ACACA: variants seen among roughly 807,000 people sequenced by gnomAD.
The protein encoded by ACACA is acetyl-CoA carboxylase 1.
In ACACA, 103 loss-of-function variants were observed where a neutral mutation model predicts 296.1. The observed-to-expected ratio is 0.35, with a 90% CI of 0.30 to 0.41. ACACA has a LOEUF of 0.41. ACACA is among the 10% of genes least tolerant of loss of function. ACACA has a pLI of 1.00. For synonymous variants in ACACA, 953 were observed against 1,038.6 expected (o/e 0.92, Z 1.58); for missense variants, 1,554 against 2,989.7 (o/e 0.52, Z 11.20).
chr17:37,278,135 T>C, intron 5 of ACACA, 130 bp from the exon 6 acceptor site: 1 of 734,276 alleles, frequency 1.4e-6, no homozygotes, highest in South Asian at 1.5e-5. Context: ...AGTAGGATAA[T>C]TTCCAGGACC....
intron 45 of ACACA, among the ~76,000 whole-genome samples, chr17:37,131,625 T>C (rs2075102789): frequency 6.6e-6 from 1 of 152,174 alleles, no homozygotes. Context: ...TTTTGCCCCT[T>C]CTTGTTAGGA....
intron 27 of ACACA, among the ~76,000 whole-genome samples, chr17:37,224,655 A>G (rs976992809): frequency 5.9e-4 from 88 of 148,636 alleles, no homozygotes; most frequent in East Asian, 1.9e-3. Flanking sequence ...GTGTGTGTGT[A>G]TATATATATA....
rs1429729354 is a variant in ACACA, at chr17:37,226,427, G to A, written c.3272C>T (p.Thr1091Ile). 1 of 1,614,014 alleles carries A rather than the reference G, an allele frequency of 6.2e-7. No homozygotes were observed. The highest frequency in any genetic ancestry group is 1.3e-5 in the African/African-American group (1 of 74,930). The change falls in exon 26 of 56, where the codon ACT becomes ATT. Residue 1091 changes from threonine (T) to isoleucine (I), a missense_variant. Transcript: ENST00000616317. The part of the protein sequence containing the change: ...LIDQLCGRDP[T>I]LTDELLNILT... ...AATATTCAGCAGCTCATCAGTGAGA[G>A]TAGGGTCCCGGCCACACAACTGATC...
chr17:37,099,591 GGAGGGCTGATGGCGGGAGGGCTGATGGCA>G (rs2073228081), intron 52 of ACACA, among the ~76,000 whole-genome samples: 1 of 149,646 alleles, frequency 6.7e-6, no homozygotes, highest in Non-Finnish European at 1.5e-5. Flanking sequence ...GCTGATGGCA[GGAGGGCTGATGGCGGGAGGGCTGATGGCA>G]GGAGGGCTGA....
chr17:37,298,478 T>C (rs142660134), intron 3 of ACACA, among the ~76,000 whole-genome samples: 15 of 152,118 alleles, frequency 9.9e-5, no homozygotes, highest in African/African-American at 3.4e-4. Context: ...GTATAGGAGT[T>C]TGAGACTAGC....
intron 28 of ACACA, among the ~76,000 whole-genome samples, chr17:37,223,206 G>A (rs1400275905): frequency 6.6e-6 from 1 of 152,092 alleles, no homozygotes; most frequent in African/African-American, 2.4e-5. Flanking sequence ...TTCGCTTTTT[G>A]TGTTACAAGG....
chr17:37,249,405 T>C (rs2080873182), intron 16 of ACACA, among the ~76,000 whole-genome samples: 1 of 152,218 alleles, frequency 6.6e-6, no homozygotes, highest in Non-Finnish European at 1.5e-5. Flanking sequence ...GGTAATTCTA[T>C]TTTTAATTTT....
chr17:37,359,678 G>A (rs939444201), intron 1 of ACACA, among the ~76,000 whole-genome samples: 1 of 152,116 alleles, frequency 6.6e-6, no homozygotes, highest in African/African-American at 2.4e-5. Context: ...GGCGGTGTGC[G>A]GGCCCGTTTG....
chr17:37,379,470 C>T, intron 1 of ACACA: 2 of 1,447,136 alleles, frequency 1.4e-6, no homozygotes, highest in Non-Finnish European at 1.9e-6. Flanking sequence ...GGAAAAGCTA[C>T]AAGAAAATGA....
In ACACA at chr17:37,174,014, A is replaced by AT. The variant is rs1184132097; in HGVS notation, c.5079+5245dup. Among the ~76,000 whole-genome samples, 11 of 14,006 alleles carry AT rather than the reference A, an allele frequency of 7.9e-4. 1 individual carries two copies. Among genetic ancestry groups the AT allele is most frequent in the Admixed American group, 6.0e-3 (4 of 666 alleles). The allele number at this position is 14,006 out of a possible 152,430, so 9.2% of individuals were successfully genotyped here. A position where few individuals can be genotyped will look rare whatever the true frequency, so the allele number is the denominator to read the frequency against. ...TATATATATATATATATATATATAT[A>AT]TATATATTTTTTTTTTTTTTTTTTT... On this transcript the variant is annotated intron_variant, in intron 41 of 55. Transcript: ENST00000616317.
At chr17:37,094,754 A>G (rs1484242985) in intron 54 of ACACA, among the ~76,000 whole-genome samples, 2 of 152,216 alleles carry the variant, frequency 1.3e-5, no homozygotes, top group African/African-American at 2.4e-5. Flanking sequence ...TCAAAGCCAC[A>G]TGCCCTGACA....
chr17:37,244,805 A>G (rs1227282180), intron 20 of ACACA, 71 bp from the exon 21 acceptor site: 2 of 1,592,880 alleles, frequency 1.3e-6, no homozygotes, highest in East Asian at 4.5e-5. Context: ...CACTGCACTT[A>G]AGAGTTATCA....
chr17:37,117,032 C>T (rs1300672621), intron 50 of ACACA, among the ~76,000 whole-genome samples: 2 of 152,196 alleles, frequency 1.3e-5, no homozygotes, highest in African/African-American at 4.8e-5. Context: ...ATGGTGACCA[C>T]ACACAACCTT....
At chr17:37,309,086 C>G (rs2084012751) in intron 3 of ACACA, among the ~76,000 whole-genome samples, 1 of 152,124 alleles carries the variant, frequency 6.6e-6, no homozygotes, top group African/African-American at 2.4e-5. Flanking sequence ...GTAGCATGAT[C>G]ATAGTTCACT....
Position 37,191,255 on chromosome 17 carries a change from C to G in ACACA, c.4437G>C (p.Leu1479=), listed in dbSNP as rs2145090755. 6.2e-7 allele frequency: 1 copy of G among 1,613,974 alleles called. No homozygotes were observed. The highest frequency in any genetic ancestry group is 8.5e-7 in the Non-Finnish European group (1 of 1,179,962). ...GGAGTAGCCGCTCCCCTTCATTTTG[C>G]AGATATTCAAAAGAAGCTTCCTATA... ...LVTKEASFEY[L]QNEGERLLLE... is the part of the protein sequence containing the mutation. Residue 1479 remains leucine, a synonymous_variant, in exon 38 of 56, where the codon CTG becomes CTC. Coordinates refer to ENST00000616317, the MANE Select transcript of ACACA (RefSeq NM_198834.3).
chr17:37,395,405 G>A (rs1320551366), intron 1 of ACACA, among the ~76,000 whole-genome samples: 1 of 148,450 alleles, frequency 6.7e-6, no homozygotes, highest in Non-Finnish European at 1.5e-5. Flanking sequence ...ACTCTAGCCT[G>A]GGTGACAAAG....
chr17:37,224,585 G>A lies in ACACA; in HGVS notation c.3474+407C>T, dbSNP rs373852380. On this transcript the variant is annotated intron_variant, in intron 27 of 55. Coordinates refer to ENST00000616317, the MANE Select transcript of ACACA (RefSeq NM_198834.3). ...TGATACTTAAATAGCTTTGTCTCCAGAAGAGTAACAACTACCTATGTATAC... is the reference window on the plus strand; with the variant it reads ...TGATACTTAAATAGCTTTGTCTCCAAAAGAGTAACAACTACCTATGTATAC... Among the ~76,000 whole-genome samples, 23 of 152,092 alleles carry A rather than the reference G, an allele frequency of 1.5e-4. No individual in the cohort carries two copies. In the East Asian group the frequency reaches 3.7e-3, roughly 24 times the overall value.
chr17:37,390,383 C>T (rs1455261236), intron 1 of ACACA, among the ~76,000 whole-genome samples: 5 of 122,828 alleles, frequency 4.1e-5, no homozygotes, highest in Non-Finnish European at 8.0e-5. Flanking sequence ...AATCCTAGCA[C>T]GTTGGGAGGC....
chr17:37,325,736 G>A (rs373647942), intron 3 of ACACA, among the ~76,000 whole-genome samples: 3 of 151,536 alleles, frequency 2.0e-5, no homozygotes, highest in South Asian at 2.1e-4. Context: ...CATCGTGCTC[G>A]GCTAATTTTG....
Sources: allele counts gnomAD v4.1 joint callset (sites outside exome capture counted in the v4.1 genomes callset), GRCh38; gene constraint gnomAD v4.1.1; transcripts MANE v1.5; gene names NCBI Gene and HGNC (gene_info 2026-07-23, HGNC 2026-07-21).